The following AKR1B15 variants were observed in gnomAD, a reference collection of about 807,000 sequenced individuals.
AKR1B15 encodes the protein aldo-keto reductase family 1 member B15.
A neutral mutation model predicts 38.5 loss-of-function variants in AKR1B15; 49 were observed. The ratio of observed to expected loss-of-function variants is 1.27; its 90% CI spans 1.01 to 1.62. AKR1B15 has a LOEUF of 1.62. Ranked by LOEUF, AKR1B15 falls within the 40% of genes most tolerant of loss-of-function variation. AKR1B15 has a pLI of 0.00. For missense variants in AKR1B15, 411 were observed against 381.6 expected, an observed-to-expected ratio of 1.08 and a Z score of -0.64; for synonymous variants, 137 against 135.5, an observed-to-expected ratio of 1.01 and a Z score of -0.08.
At chr7:134,563,651 C>T (rs906504792) in intron 2 of AKR1B15, among the ~76,000 whole-genome samples, 9 of 152,206 alleles carry the variant, frequency 5.9e-5, no homozygotes, top group African/African-American at 2.2e-4. Flanking sequence ...ATTGTAAAGT[C>T]ACCAATCAGT....
At chr7:134,568,024 G>C in intron 3 of AKR1B15, 134 bp from the exon 4 acceptor site, 1 of 1,056,416 alleles carries the variant, frequency 9.5e-7, no homozygotes, top group Non-Finnish European at 1.4e-6. Flanking sequence ...GCTGAGTGTG[G>C]TGTAATTCCA....
At chr7:134,558,256 T>C (rs1008433801) in intron 2 of AKR1B15, among the ~76,000 whole-genome samples, 3 of 152,176 alleles carry the variant, frequency 2.0e-5, no homozygotes, top group African/African-American at 4.8e-5. Context: ...GTGGAAGAAA[T>C]CCAGCACTGA....
intron 3 of AKR1B15, among the ~76,000 whole-genome samples, chr7:134,567,232 G>A (rs1456356598): frequency 6.6e-6 from 1 of 152,212 alleles, no homozygotes. Context: ...TTTTGTGAGA[G>A]ATCAAGTTTT....
At chr7:134,578,656 T>A (rs1198386406) in intron 11 of AKR1B15, among the ~76,000 whole-genome samples, 1 of 152,226 alleles carries the variant, frequency 6.6e-6, no homozygotes, top group Non-Finnish European at 1.5e-5. Flanking sequence ...CAATGGCAAT[T>A]TGAATTTCTT....
chr7:134,570,342 T>A (rs1794642804), intron 5 of AKR1B15: 1 of 152,224 alleles, frequency 6.6e-6, no homozygotes, highest in Non-Finnish European at 1.5e-5. Flanking sequence ...CCCGGTCCTG[T>A]GATCTTGCCC....
In AKR1B15 at chr7:134,571,698, T is replaced by A; in HGVS notation, c.513+17T>A. ...GCCTGGGAGGTAGGTTCCAGCTTTG[T>A]CTAAGTGTGCTGGGAGAGAAATCCT... On this transcript the variant is annotated intron_variant, in intron 6 of 11. Coordinates refer to ENST00000457545, the MANE Select transcript of AKR1B15 (RefSeq NM_001080538.3). The A allele has an allele frequency of 6.2e-7, 1 of 1,602,902 alleles. No homozygotes were observed. The highest frequency in any genetic ancestry group is 1.3e-5 in the African/African-American group (1 of 74,668).
chr7:134,560,044 G>A (rs1335421997), intron 2 of AKR1B15, among the ~76,000 whole-genome samples: 1 of 151,984 alleles, frequency 6.6e-6, no homozygotes, highest in Non-Finnish European at 1.5e-5. Flanking sequence ...GGAGGCAGAG[G>A]TTGTAGTGAG....
rs767349208 is a variant in AKR1B15, at chr7:134,568,153, T to C, written c.151-5T>C. On this transcript the variant is annotated splice_region_variant and splice_polypyrimidine_tract_variant and intron_variant, in intron 3 of 11. Transcript: ENST00000457545. The stretch of plus-strand genomic sequence containing the variant: ...TGTGTGATGGGCTTTTCTTTTGCTT[T>C]TCAGTCTCTTCTCGGCAAAGTGAAA... The C allele has an allele frequency of 3.7e-6, 6 of 1,614,016 alleles. No homozygotes were observed. The highest frequency in any genetic ancestry group is 5.1e-6 in the Non-Finnish European group (6 of 1,179,966).
chr7:134,573,888 C>A (rs964514530), intron 6 of AKR1B15, among the ~76,000 whole-genome samples: 11 of 152,078 alleles, frequency 7.2e-5, no homozygotes, highest in African/African-American at 1.7e-4. Flanking sequence ...GGGATGAAAT[C>A]CAGGAATCAG....
At chr7:134,578,023 A>C (rs534091542) in intron 11 of AKR1B15, among the ~76,000 whole-genome samples, 4 of 152,310 alleles carry the variant, frequency 2.6e-5, no homozygotes, top group African/African-American at 9.6e-5. Context: ...AAGGTGTGTT[A>C]TCAATAGGCA....
At chr7:134,576,851 T>A (rs1794776764) in intron 9 of AKR1B15, 112 bp from the exon 10 acceptor site, 1 of 985,732 alleles carries the variant, frequency 1.0e-6, no homozygotes, top group East Asian at 2.4e-5. Context: ...CAGTAATTAT[T>A]AGCGATTGTA....
intron 1 of AKR1B15, among the ~76,000 whole-genome samples, chr7:134,552,607 C>T (rs1794026140): frequency 6.6e-6 from 1 of 152,182 alleles, no homozygotes; most frequent in Admixed American, 6.5e-5. Context: ...GATTACCAGC[C>T]TGTACAGGAC....
intron 6 of AKR1B15, chr7:134,573,614 G>GA: frequency 1.1e-6 from 1 of 914,514 alleles, no homozygotes; most frequent in Non-Finnish European, 1.3e-6. Context: ...CAGAGGGGAG[G>GA]AAAAAAGTAT....
chr7:134,562,897 T>TCTTTCTTTCTTTCTTC (rs1408157929), intron 2 of AKR1B15, among the ~76,000 whole-genome samples: 10 of 144,408 alleles, frequency 6.9e-5, no homozygotes, highest in African/African-American at 2.6e-4. Flanking sequence ...TTTCCTTCTT[T>TCTTTCTTTCTTTCTTC]CTTCCTTCCT....
At chr7:134,562,306 T>C (rs1207105700) in intron 2 of AKR1B15, among the ~76,000 whole-genome samples, 2 of 152,218 alleles carry the variant, frequency 1.3e-5, no homozygotes, top group Non-Finnish European at 2.9e-5. Flanking sequence ...TTCCACATCC[T>C]GTAAGGGTAC....
chr7:134,566,296 GAGAA>G (rs1428987592), intron 3 of AKR1B15, among the ~76,000 whole-genome samples: 5 of 152,262 alleles, frequency 3.3e-5, no homozygotes, highest in East Asian at 1.9e-4. Context: ...TCCCGTGTAA[GAGAA>G]AGAAAGAAAG....
intron 1 of AKR1B15, among the ~76,000 whole-genome samples, chr7:134,554,639 C>G (rs570272071): frequency 6.6e-6 from 1 of 152,248 alleles, no homozygotes; most frequent in South Asian, 2.1e-4. Context: ...GGGAGGCTTG[C>G]CAGGAGGAAG....
At chr7:134,553,936 C>T (rs779617751) in intron 1 of AKR1B15, among the ~76,000 whole-genome samples, 9 of 152,288 alleles carry the variant, frequency 5.9e-5, no homozygotes, top group African/African-American at 1.9e-4. Context: ...CAGGCACTGC[C>T]GGCAGGTACC....
intron 6 of AKR1B15, among the ~76,000 whole-genome samples, chr7:134,573,714 T>G (rs749779955): frequency 2.0e-5 from 3 of 152,212 alleles, no homozygotes; most frequent in Non-Finnish European, 1.5e-5. Flanking sequence ...CAGAAGTTTT[T>G]GGGAAACTTA....
Sources: gnomAD v4.1 joint callset for allele counts (sites outside exome capture counted in the v4.1 genomes callset) on GRCh38, gnomAD v4.1.1 for gene constraint, MANE v1.5 for transcripts, NCBI Gene and HGNC (gene_info 2026-07-23, HGNC 2026-07-21) for gene names.